XAB2: variants seen among roughly 807,000 people sequenced by gnomAD.
The protein encoded by XAB2 is XPA binding protein 2, also known as pre-mRNA-splicing factor SYF1.
XAB2 carries 57 observed loss-of-function variants against 113.4 expected under a neutral mutation model. The ratio of observed to expected loss-of-function variants is 0.50; its 90% CI spans 0.41 to 0.63. The LOEUF is 0.63. XAB2 is among the 20% of genes least tolerant of loss of function. The pLI is 0.00. For missense variants in XAB2, 1,037 were observed against 1,233.3 expected, an observed-to-expected ratio of 0.84 and a Z score of 2.38; for synonymous variants, 497 against 498.8, an observed-to-expected ratio of 1.00 and a Z score of 0.05.
Position 7,623,769 on chromosome 19 carries a change from G to C in XAB2, c.1081C>G (p.His361Asp). Residue 361 changes from histidine to aspartate, a missense_variant, in exon 8 of 19, where the codon CAC (histidine) becomes GAC (aspartate). Physicochemically the swap from His to Asp is moderately conservative, Grantham distance 81 (BLOSUM62 -1). Transcript: ENST00000358368. This position sits in a 1 kb window ranked among gnomAD's most constrained non-coding sequence, Gnocchi z 4.6. Reference protein sequence around the residue: ...RQNPHHVHEWHKRVALHQGRP... With the variant: ...RQNPHHVHEWDKRVALHQGRP... Reference sequence around the variant, plus strand: ...CCCTGGTGCAGGGCGACACGCTTGTGCCACTCGTGCACGTGGTGTGGGTTT... The same window carrying C: ...CCCTGGTGCAGGGCGACACGCTTGTCCCACTCGTGCACGTGGTGTGGGTTT... The C allele has an allele frequency of 1.2e-6, 2 of 1,611,568 alleles. No homozygotes were observed. Among genetic ancestry groups the C allele is most frequent in the Non-Finnish European group, 1.7e-6 (2 of 1,179,442 alleles).
chr19:7,622,739 C>T, intron 10 of XAB2, 23 bp downstream of exon 10: 12 of 1,613,650 alleles, frequency 7.4e-6, no homozygotes, highest in East Asian at 2.2e-5. Context: ...AGCCCCCACC[C>T]CACAGCCTGG....
At position 7,625,955 on chromosome 19, in the gene XAB2, G is replaced by A. The variant is rs111253966; in HGVS notation, c.747C>T (p.Thr249=). The A allele has an allele frequency of 4.3e-6, 7 of 1,613,852 alleles. No individual in the cohort carries two copies. The highest frequency in any genetic ancestry group is 1.1e-5 in the South Asian group (1 of 91,048). Residue 249 remains threonine (T), a synonymous_variant, in exon 6 of 19, where the codon ACC becomes ACT. Coordinates refer to ENST00000358368, the MANE Select transcript of XAB2 (RefSeq NM_020196.3). This position sits in a 1 kb window ranked among gnomAD's most constrained non-coding sequence, Gnocchi z 5.2. Reference sequence around the variant, plus strand: ...GCTTGCCCAGCTGGTCGGTGAAGCGGGTGAGGCCCCCGCGGATGATGGCGT... The same window carrying A: ...GCTTGCCCAGCTGGTCGGTGAAGCGAGTGAGGCCCCCGCGGATGATGGCGT... ...NVDAIIRGGL[T]RFTDQLGKLW...
intron 14 of XAB2, 32 bp downstream of exon 14, chr19:7,620,814 C>T (rs1242093424): frequency 3.2e-6 from 5 of 1,564,026 alleles, no homozygotes; most frequent in Non-Finnish European, 4.3e-6. Context: ...TCAGGGACCT[C>T]TGGCCCCGGC....
rs148416638 is a variant in XAB2 at position 7,619,748 on chromosome 19, G to C, written c.2505C>G (p.Asn835Lys). The C allele has an allele frequency of 6.2e-7, 1 of 1,613,504 alleles. No individual in the cohort carries two copies. The highest frequency in any genetic ancestry group is 1.3e-5 in the African/African-American group (1 of 74,914). Residue 835 changes from asparagine to lysine, a missense_variant and splice_region_variant, in exon 18 of 19, where the codon AAC (asparagine) becomes AAG (lysine). Asn to Lys is a moderately conservative substitution (Grantham distance 94). Transcript: ENST00000358368. ...TCCCCGCCCCAGCCGGGCCCTCACC[G>C]TTGGGCTCCAGGTCCATCTCGTCCT... ...EDEDEMDLEP[N>K]EVRLEQQSVP...
chr19:7,620,851 T>C lies in XAB2; in HGVS notation c.1966A>G (p.Ile656Val), dbSNP rs777372042. The C allele has an allele frequency of 2.0e-5, 32 of 1,581,710 alleles. No individual in the cohort carries two copies. The highest frequency in any genetic ancestry group is 4.5e-5 in the East Asian group (2 of 44,386). Residue 656 changes from isoleucine to valine, a missense_variant, in exon 14 of 19, where the codon ATT becomes GTT. Ile to Val is a conservative substitution (Grantham distance 29). Transcript: ENST00000358368. The stretch of plus-strand genomic sequence containing the variant: ...CAGCCCCCCACGGTGGGTACCTCAA[T>C]GGCCTTCTGGTAGATGCCGCGGGTG... ...THTRGIYQKA[I>V]EVLSDEHARE...
Position 7,623,878 on chromosome 19 carries a change from A to G in XAB2, c.972T>C (p.Asp324=), listed in dbSNP as rs2031086388. ...ASELGREEED[D]VDLELRLARF... is the part of the protein sequence containing the mutation. ...GGGCCAGGCGCAGCTCCAGGTCCAC[A>G]TCATCTGGGAGCCGCGAACATGTTT... The change falls in exon 8 of 19, where the codon GAT becomes GAC. Residue 324 remains aspartate, a synonymous_variant. Transcript: ENST00000358368. This position sits in a 1 kb window ranked among gnomAD's most constrained non-coding sequence, Gnocchi z 4.6. The G allele has an allele frequency of 1.3e-6, 2 of 1,576,512 alleles. No homozygotes were observed. Among genetic ancestry groups the G allele is most frequent in the Non-Finnish European group, 1.7e-6 (2 of 1,165,062 alleles).
At position 7,627,358 on chromosome 19, in the gene XAB2, G is replaced by A. The variant is rs758391750; in HGVS notation, c.407C>T (p.Ala136Val). The A allele has an allele frequency of 6.2e-7, 1 of 1,613,446 alleles. No individual in the cohort carries two copies. Among genetic ancestry groups the A allele is most frequent in the Non-Finnish European group, 8.5e-7 (1 of 1,179,888 alleles). Residue 136 changes from alanine to valine, a missense_variant, in exon 4 of 19, where the codon GCC (alanine) becomes GTC (valine). Physicochemically the swap from Ala to Val is moderately conservative, Grantham distance 64. Transcript: ENST00000358368. The surrounding 1 kb of genome is among the most constrained non-coding windows in gnomAD (Gnocchi z 4.5). ...CTGCGTGATGGGCAGTGCCCGGAGG[G>A]CACGGTCGAAGGTGCGGCGGGTGTG... ...VTHTRRTFDR[A>V]LRALPITQHS...
rs529466859 is a variant in XAB2 at position 7,625,545 on chromosome 19, C to A, written c.822+335G>T. Among the ~76,000 whole-genome samples the A allele has an allele frequency of 4.1e-5, 6 of 146,258 alleles. No individual in the cohort carries two copies. On this transcript the variant is annotated intron_variant, in intron 6 of 18. Transcript: ENST00000358368. The surrounding 1 kb of genome is among the most constrained non-coding windows in gnomAD (Gnocchi z 5.2). ...CCAGGCTGGACTTCCGTGGCGCGATCGCAGCTCACGGCAACCTCCACCTCC... is the reference window on the plus strand; with the variant it reads ...CCAGGCTGGACTTCCGTGGCGCGATAGCAGCTCACGGCAACCTCCACCTCC...
In XAB2 at chr19:7,625,852, A is replaced by G. The variant is rs2031128328; in HGVS notation, c.822+28T>C. The G allele has an allele frequency of 1.3e-6, 2 of 1,577,662 alleles. No homozygotes were observed. The highest frequency in any genetic ancestry group is 2.3e-5 in the South Asian group (2 of 87,038). Reference sequence around the variant, plus strand: ...GTGTCGGAGGGAGACCCCGCCCCGAACCCAGAGCCCCGTGTGCCAGCATGC... The same window carrying G: ...GTGTCGGAGGGAGACCCCGCCCCGAGCCCAGAGCCCCGTGTGCCAGCATGC... On this transcript the variant is annotated intron_variant, in intron 6 of 18. Coordinates refer to ENST00000358368, the MANE Select transcript of XAB2 (RefSeq NM_020196.3). This position sits in a 1 kb window ranked among gnomAD's most constrained non-coding sequence, Gnocchi z 5.2.
chr19:7,624,088 C>T lies in XAB2; in HGVS notation c.968-206G>A, dbSNP rs1314445137. On this transcript the variant is annotated intron_variant, in intron 7 of 18. Coordinates refer to ENST00000358368, the MANE Select transcript of XAB2 (RefSeq NM_020196.3). This position sits in a 1 kb window ranked among gnomAD's most constrained non-coding sequence, Gnocchi z 4.2. Reference sequence around the variant, plus strand: ...CCTCCTACCCCCACTGTTCCCCTAGCCCTCCTGCCCTGCCAGGCTCTGGCC... The same window carrying T: ...CCTCCTACCCCCACTGTTCCCCTAGTCCTCCTGCCCTGCCAGGCTCTGGCC... Among the ~76,000 whole-genome samples, 1 of 150,490 alleles carries T rather than the reference C, an allele frequency of 6.6e-6. No individual in the cohort carries two copies. Among genetic ancestry groups the T allele is most frequent in the African/African-American group, 2.4e-5 (1 of 40,820 alleles).
At position 7,623,697 on chromosome 19, in the gene XAB2, C is replaced by A. The variant is rs368011493; in HGVS notation, c.1119+34G>T. ...CTCCCCAGTTCTGCAGGAAACTGGC[C>A]CTCAGGGGTAGGACTGGGGCAGGCT... On this transcript the variant is annotated intron_variant, in intron 8 of 18. Transcript: ENST00000358368. The surrounding 1 kb of genome is among the most constrained non-coding windows in gnomAD (Gnocchi z 4.6). 3.0e-5 allele frequency: 46 copies of A among 1,548,066 alleles called. No individual in the cohort carries two copies. In the African/African-American group the frequency reaches 3.8e-4, roughly 13 times the overall value.
Position 7,623,842 on chromosome 19 carries a change from C to G in XAB2, c.1008G>C (p.Gln336His). 6.2e-7 allele frequency: 1 copy of G among 1,607,568 alleles called. No individual in the cohort carries two copies. The highest frequency in any genetic ancestry group is 8.5e-7 in the Non-Finnish European group (1 of 1,178,306). Reference sequence around the variant, plus strand: ...GGAGCAGGGGCCGCCGGCTGATGAGCTGCTCGAAGCGGGCCAGGCGCAGCT... The same window carrying G: ...GGAGCAGGGGCCGCCGGCTGATGAGGTGCTCGAAGCGGGCCAGGCGCAGCT... ...DLELRLARFE[Q>H]LISRRPLLLN... The change falls in exon 8 of 19, where the codon CAG (glutamine) becomes CAC (histidine). Residue 336 changes from glutamine (Q) to histidine (H), a missense_variant. By Grantham distance (24) the Gln-to-His change is conservative. Transcript: ENST00000358368. The surrounding 1 kb of genome is among the most constrained non-coding windows in gnomAD (Gnocchi z 4.6).
At position 7,627,963 on chromosome 19, in the gene XAB2, C is replaced by A; in HGVS notation, c.201-112G>T. 1 of 1,525,834 alleles carries A rather than the reference C, an allele frequency of 6.6e-7. No homozygotes were observed. The highest frequency in any genetic ancestry group is 2.3e-5 in the East Asian group (1 of 43,996). The allele number at this position is 1,525,834 out of a possible 1,614,324, so 94.5% of individuals were successfully genotyped here. ...GGAAGAAGGGGTGTGGGAGGGGTGACATGTCTCAGCAATGACAGGGACAGA... is the reference window on the plus strand; with the variant it reads ...GGAAGAAGGGGTGTGGGAGGGGTGAAATGTCTCAGCAATGACAGGGACAGA... On this transcript the variant is annotated intron_variant, in intron 2 of 18. Transcript: ENST00000358368. The surrounding 1 kb of genome is among the most constrained non-coding windows in gnomAD (Gnocchi z 4.5).
In XAB2 at chr19:7,623,797, G is replaced by C; in HGVS notation, c.1053C>G (p.Arg351=). The C allele has an allele frequency of 6.2e-7, 1 of 1,612,230 alleles. No individual in the cohort carries two copies. The highest frequency in any genetic ancestry group is 8.5e-7 in the Non-Finnish European group (1 of 1,179,606). ...RPLLLNSVLL[R]QNPHHVHEWH... ...ACTCGTGCACGTGGTGTGGGTTTTG[G>C]CGCAGCAAGACGCTGTTGAGGAGCA... Residue 351 remains arginine, a synonymous_variant, in exon 8 of 19, where the codon CGC becomes CGG. Coordinates refer to ENST00000358368, the MANE Select transcript of XAB2 (RefSeq NM_020196.3). The surrounding 1 kb of genome is among the most constrained non-coding windows in gnomAD (Gnocchi z 4.6).
chr19:7,624,492 G>A lies in XAB2; in HGVS notation c.823-47C>T, dbSNP rs761301524. 4 of 1,611,784 alleles carry A rather than the reference G, an allele frequency of 2.5e-6. No homozygotes were observed. The highest frequency in any genetic ancestry group is 3.3e-5 in the Admixed American group (2 of 59,988). On this transcript the variant is annotated intron_variant, in intron 6 of 18. Transcript: ENST00000358368. The surrounding 1 kb of genome is among the most constrained non-coding windows in gnomAD (Gnocchi z 4.2). ...GAGGTGAGAGGAAAGTGGCGCAGGG[G>A]ACAGGCAGCAGCACTCTTAGCACCA...
At chr19:7,621,075 C>T (rs746723362) in intron 13 of XAB2, 39 bp from the exon 14 acceptor site, 23 of 1,538,632 alleles carry the variant, frequency 1.5e-5, no homozygotes, top group Middle Eastern at 2.2e-4. Context: ...CACGGTCAGC[C>T]GGGGCCAGTC....
intron 14 of XAB2, 24 bp from the exon 15 acceptor site, chr19:7,620,693 C>T (rs758667621): frequency 6.4e-5 from 103 of 1,610,678 alleles, no homozygotes; most frequent in Middle Eastern, 4.9e-4. Flanking sequence ...TTGGGGAGGC[C>T]GGGAGTGAGG....
chr19:7,627,978 AC>A lies in XAB2; in HGVS notation c.201-128del. The A allele has an allele frequency of 6.7e-7, 1 of 1,497,772 alleles. No individual in the cohort carries two copies. The highest frequency in any genetic ancestry group is 9.0e-7 in the Non-Finnish European group (1 of 1,107,886). 92.8% of individuals were successfully genotyped at this position (1,497,772 alleles called of 1,614,324 possible). A position where few individuals can be genotyped will look rare whatever the true frequency, so the allele number is the denominator to read the frequency against. ...GGAGGGGTGACATGTCTCAGCAATGACAGGGACAGACTGGGACATCAGAGAA... is the reference window on the plus strand; with the variant it reads ...GGAGGGGTGACATGTCTCAGCAATGAAGGGACAGACTGGGACATCAGAGAA... On this transcript the variant is annotated intron_variant, in intron 2 of 18. Transcript: ENST00000358368. This position sits in a 1 kb window ranked among gnomAD's most constrained non-coding sequence, Gnocchi z 4.5.
Position 7,623,896 on chromosome 19 carries a change from A to G in XAB2, c.968-14T>C, listed in dbSNP as rs2146186817. 2 of 1,549,442 alleles carry G rather than the reference A, an allele frequency of 1.3e-6. No homozygotes were observed. The highest frequency in any genetic ancestry group is 2.3e-5 in the South Asian group (2 of 85,638). On this transcript the variant is annotated splice_polypyrimidine_tract_variant and intron_variant, in intron 7 of 18. Transcript: ENST00000358368. This position sits in a 1 kb window ranked among gnomAD's most constrained non-coding sequence, Gnocchi z 4.6. ...GGTCCACATCATCTGGGAGCCGCGA[A>G]CATGTTTGTCAGGGGCGGAGACCCA...
Sources: gnomAD v4.1 joint callset for allele counts (sites outside exome capture counted in the v4.1 genomes callset) on GRCh38, gnomAD v4.1.1 for gene constraint, Gnocchi (gnomAD v3.1) non-coding constraint, MANE v1.5 for transcripts, NCBI Gene and HGNC (gene_info 2026-07-23, HGNC 2026-07-21) for gene names.